UGT1A3: variants seen among roughly 807,000 people sequenced by gnomAD.
UGT1A3 encodes UDP glucuronosyltransferase family 1 member A3.
UGT1A3 carries 31 observed loss-of-function variants against 41.0 expected under a neutral mutation model. The observed-to-expected ratio is 0.76, with a 90% CI of 0.57 to 1.02. The LOEUF (loss-of-function observed/expected upper bound fraction) is 1.02. Among genes scored for constraint, UGT1A3 ranks in the 50% least tolerant of loss-of-function variants. The pLI, the probability that UGT1A3 is intolerant of heterozygous loss-of-function variation, is 0.00. For missense variants in UGT1A3, 737 were observed against 671.0 expected, an observed-to-expected ratio of 1.10 and a Z score of -1.09; for synonymous variants, 262 against 257.6, an observed-to-expected ratio of 1.02 and a Z score of -0.17.
At chr2:233,760,806 T>C (rs751197990) in intron 1 of UGT1A3, 3 of 1,613,492 alleles carry the variant, frequency 1.9e-6, no homozygotes, top group Non-Finnish European at 2.5e-6. Context: ...TCTTCTTGCA[T>C]GCACTGCCAT....
chr2:233,769,840 A>G lies in UGT1A3; in HGVS notation c.1307+1401A>G, dbSNP rs1259397954. 2 of 589,486 alleles carry G rather than the reference A, an allele frequency of 3.4e-6. No homozygotes were observed. The highest frequency in any genetic ancestry group is 5.2e-6 in the Non-Finnish European group (2 of 381,342). The allele number at this position is 589,486 out of a possible 1,614,324, so 36.5% of individuals were successfully genotyped here. On this transcript the variant is annotated intron_variant, in intron 4 of 4. Transcript: ENST00000482026. This position sits in a 1 kb window ranked among gnomAD's most constrained non-coding sequence, Gnocchi z 4.4. ...ACTGCACTCCAGCAACCTGGGCAAC[A>G]GAGTGAGACCCTGTCTCAAAAAAAA...
At chr2:233,759,330 G>A (rs1053848979) in intron 1 of UGT1A3, among the ~76,000 whole-genome samples, 20 of 152,160 alleles carry the variant, frequency 1.3e-4, no homozygotes, top group Admixed American at 1.3e-3. Flanking sequence ...TTAATTGGTT[G>A]GTTCAGGTGA....
intron 1 of UGT1A3, among the ~76,000 whole-genome samples, chr2:233,731,442 C>T (rs375687165): frequency 6.6e-6 from 1 of 152,134 alleles, no homozygotes; most frequent in Non-Finnish European, 1.5e-5. Flanking sequence ...CCCAGTCCCC[C>T]ACCCCACAAC....
At chr2:233,749,694 G>A (rs1268500408) in intron 1 of UGT1A3, among the ~76,000 whole-genome samples, 1 of 151,848 alleles carries the variant, frequency 6.6e-6, no homozygotes, top group Non-Finnish European at 1.5e-5. Flanking sequence ...AGGATCTGGT[G>A]GGAGGTGATT....
intron 1 of UGT1A3, among the ~76,000 whole-genome samples, chr2:233,764,386 G>A (rs141556907): frequency 3.9e-5 from 6 of 152,290 alleles, no homozygotes; most frequent in Non-Finnish European, 7.4e-5. Context: ...GGAGTTGGCC[G>A]TGATGACAAC....
intron 1 of UGT1A3, among the ~76,000 whole-genome samples, chr2:233,736,005 G>A (rs1194834652): frequency 1.3e-5 from 2 of 152,028 alleles, no homozygotes; most frequent in African/African-American, 4.8e-5. Flanking sequence ...TGTTCTTCTC[G>A]AGGAGTATCT....
intron 1 of UGT1A3, among the ~76,000 whole-genome samples, chr2:233,730,727 G>T (rs768160238): frequency 6.6e-6 from 1 of 152,112 alleles, no homozygotes; most frequent in African/African-American, 2.4e-5. Context: ...ATCAAGAAAT[G>T]GCGGAAGGGG....
chr2:233,754,833 T>C (rs1695605452), intron 1 of UGT1A3: 1 of 1,343,184 alleles, frequency 7.4e-7, no homozygotes, highest in African/African-American at 1.5e-5. Context: ...AGCTGGAAAT[T>C]CACTGAAGGC....
intron 1 of UGT1A3, among the ~76,000 whole-genome samples, chr2:233,758,500 A>T (rs552604642): frequency 1.2e-4 from 19 of 152,348 alleles, no homozygotes; most frequent in African/African-American, 4.6e-4. Flanking sequence ...CAGAATTTCT[A>T]ATAAGGACAC....
At chr2:233,748,875 A>T (rs1329303581) in intron 1 of UGT1A3, among the ~76,000 whole-genome samples, 1 of 151,636 alleles carries the variant, frequency 6.6e-6, no homozygotes, top group Non-Finnish European at 1.5e-5. Flanking sequence ...GGGGACGGTG[A>T]TGAATGGACA....
chr2:233,741,084 C>G (rs1460124994), intron 1 of UGT1A3, among the ~76,000 whole-genome samples: 1 of 151,860 alleles, frequency 6.6e-6, no homozygotes, highest in Non-Finnish European at 1.5e-5. Context: ...GTCTTTAAAA[C>G]AAACAAGCAA....
chr2:233,756,397 G>A (rs553407927), intron 1 of UGT1A3: 1 of 151,974 alleles, frequency 6.6e-6, no homozygotes, highest in South Asian at 2.1e-4. Flanking sequence ...TACAGTATTG[G>A]TTTTTTATTT....
At chr2:233,757,520 A>G (rs1696548795) in intron 1 of UGT1A3, among the ~76,000 whole-genome samples, 1 of 144,544 alleles carries the variant, frequency 6.9e-6, no homozygotes. Flanking sequence ...CAAAGCCAAA[A>G]TCTTGCCTGT....
At chr2:233,748,608 C>T (rs1265158966) in intron 1 of UGT1A3, among the ~76,000 whole-genome samples, 3 of 151,644 alleles carry the variant, frequency 2.0e-5, no homozygotes, top group African/African-American at 4.9e-5. Flanking sequence ...AGTAGAGCAA[C>T]GAACGTGGGA....
At chr2:233,756,792 A>G (rs1306951497) in intron 1 of UGT1A3, among the ~76,000 whole-genome samples, 1 of 152,054 alleles carries the variant, frequency 6.6e-6, no homozygotes, top group Non-Finnish European at 1.5e-5. Context: ...TTGTGGGGCA[A>G]TACACTAGTA....
intron 1 of UGT1A3, among the ~76,000 whole-genome samples, chr2:233,759,599 A>ACCCCCCCCCCC (rs1553620419): frequency 8.2e-4 from 89 of 108,630 alleles, no homozygotes; most frequent in African/African-American, 1.6e-3. Context: ...CCCACCCCCG[A>ACCCCCCCCCCC]CCCGCCCCAC....
chr2:233,770,662 A>G (rs1700129154), intron 4 of UGT1A3: 1 of 140,356 alleles, frequency 7.1e-6, no homozygotes, highest in Non-Finnish European at 1.6e-5. Context: ...CGTCTTACTT[A>G]AAAAAAAAAA....
intron 1 of UGT1A3, among the ~76,000 whole-genome samples, chr2:233,762,901 A>G (rs545178357): frequency 1.3e-5 from 2 of 152,194 alleles, no homozygotes; most frequent in Admixed American, 6.5e-5. Flanking sequence ...GCCAAATATC[A>G]GGGCTATTGA....
At chr2:233,763,858 C>A (rs577598991) in intron 1 of UGT1A3, among the ~76,000 whole-genome samples, 1 of 152,130 alleles carries the variant, frequency 6.6e-6, no homozygotes, top group Admixed American at 6.5e-5. Flanking sequence ...GGTTCACAGA[C>A]AATCGCAATG....
Sources: allele counts gnomAD v4.1 joint callset (sites outside exome capture counted in the v4.1 genomes callset), GRCh38; gene constraint gnomAD v4.1.1; non-coding constraint Gnocchi (gnomAD v3.1); transcripts MANE v1.5; gene names NCBI Gene and HGNC (gene_info 2026-07-23, HGNC 2026-07-21).